SATB2: variants seen among roughly 807,000 people sequenced by gnomAD.
SATB2 encodes DNA-binding protein SATB2.
In SATB2, 1 loss-of-function variant was observed where a neutral mutation model predicts 73.4. The observed-to-expected ratio is 0.01, with a 90% CI of 0.00 to 0.06. The LOEUF (loss-of-function observed/expected upper bound fraction) is 0.06, where lower values mean the gene tolerates loss of function less well. SATB2 is among the 10% of genes least tolerant of loss of function. The pLI is 1.00. For synonymous variants in SATB2, 397 were observed against 367.0 expected (o/e 1.08, Z -0.93); for missense variants, 459 against 945.8 (o/e 0.49, Z 6.75).
At chr2:199,275,545 C>A (rs1204835691) in intron 10 of SATB2, among the ~76,000 whole-genome samples, 4 of 152,016 alleles carry the variant, frequency 2.6e-5, no homozygotes, top group Admixed American at 6.6e-5. Context: ...TCGGAGGATT[C>A]TCCTCCGAAT....
intron 10 of SATB2, among the ~76,000 whole-genome samples, chr2:199,293,147 T>C (rs1160092611): frequency 6.6e-6 from 1 of 152,202 alleles, no homozygotes; most frequent in African/African-American, 2.4e-5. Context: ...GAATGGCTAG[T>C]GGGAACAGCC....
chr2:199,470,468 T>C (rs1692682154), intron 1 of SATB2: 1 of 152,206 alleles, frequency 6.6e-6, no homozygotes, highest in Non-Finnish European at 1.5e-5. Flanking sequence ...ACCCACTGCG[T>C]ATTGCACTTG....
intron 10 of SATB2, among the ~76,000 whole-genome samples, chr2:199,277,288 C>T (rs1692344983): frequency 6.6e-6 from 1 of 152,136 alleles, no homozygotes; most frequent in South Asian, 2.1e-4. Flanking sequence ...AAAAGATTAT[C>T]AAACTGTACA....
chr2:199,299,730 G>A (rs1005243938), intron 10 of SATB2, among the ~76,000 whole-genome samples: 5 of 152,020 alleles, frequency 3.3e-5, no homozygotes, highest in East Asian at 1.9e-4. Flanking sequence ...GTAAAAACGC[G>A]AGAATAAAAA....
chr2:199,375,877 T>G (rs1244502768), intron 5 of SATB2, among the ~76,000 whole-genome samples: 1 of 152,220 alleles, frequency 6.6e-6, no homozygotes, highest in Non-Finnish European at 1.5e-5. Context: ...TAATCAGGAC[T>G]CCAGGAATGC....
intron 3 of SATB2, among the ~76,000 whole-genome samples, chr2:199,405,831 A>C (rs1690615504): frequency 1.3e-5 from 2 of 152,126 alleles, no homozygotes; most frequent in Non-Finnish European, 1.5e-5. Context: ...AACTCTCTCA[A>C]ATCCATTCTT....
chr2:199,330,643 T>G (rs79774782), intron 7 of SATB2, among the ~76,000 whole-genome samples: 376 of 152,322 alleles, frequency 2.5e-3, no homozygotes, highest in African/African-American at 8.6e-3. Flanking sequence ...AAGTATCGAC[T>G]CTCTGAAATT....
chr2:199,449,898 T>C (rs1272238252), intron 2 of SATB2, among the ~76,000 whole-genome samples: 10 of 152,160 alleles, frequency 6.6e-5, no homozygotes, highest in Non-Finnish European at 1.2e-4. Flanking sequence ...ATCATTCATT[T>C]AAAAATTGCT....
At chr2:199,397,676 G>T in intron 3 of SATB2, 1 of 275,506 alleles carries the variant, frequency 3.6e-6, no homozygotes, top group Non-Finnish European at 7.5e-6. Context: ...TTCACTTGAG[G>T]TCAGGAGTTC....
At chr2:199,381,919 C>T (rs1251809360) in intron 3 of SATB2, 99 bp from the exon 4 acceptor site, 10 of 1,337,778 alleles carry the variant, frequency 7.5e-6, no homozygotes, top group Admixed American at 1.9e-5. Context: ...TCATCAACAT[C>T]CAAGGCCCAC....
rs142270096 is a variant in SATB2, at chr2:199,370,228, C to T, written c.598-1521G>A. 1.1e-3 allele frequency among the ~76,000 whole-genome samples: 165 copies of T among 152,092 alleles called. 3 individuals carry two copies. In the East Asian group the frequency reaches 0.029, roughly 27 times the overall value. ...TCCTAGACTGTGAGACCCTTGAGGACAGTGACTATGTCTGTTTCATTTTTT... is the reference window on the plus strand; with the variant it reads ...TCCTAGACTGTGAGACCCTTGAGGATAGTGACTATGTCTGTTTCATTTTTT... On this transcript the variant is annotated intron_variant, in intron 5 of 10. Transcript: ENST00000417098.
chr2:199,353,312 G>GC (rs1688877075), intron 6 of SATB2, among the ~76,000 whole-genome samples: 1 of 151,584 alleles, frequency 6.6e-6, no homozygotes, highest in Admixed American at 6.6e-5. Context: ...GTGCCACGGT[G>GC]CCCAGCTAAT....
chr2:199,336,731 A>G (rs896365336), intron 7 of SATB2, among the ~76,000 whole-genome samples: 1 of 152,164 alleles, frequency 6.6e-6, no homozygotes, highest in African/African-American at 2.4e-5. Context: ...AAGTCTGTTT[A>G]CCCCTGTACC....
chr2:199,438,737 C>A (rs1691723762), intron 2 of SATB2, among the ~76,000 whole-genome samples: 1 of 152,216 alleles, frequency 6.6e-6, no homozygotes, highest in African/African-American at 2.4e-5. Flanking sequence ...ATGAAATAAA[C>A]CCCTGCTTTG....
At chr2:199,453,663 T>C (rs1692192852) in intron 2 of SATB2, among the ~76,000 whole-genome samples, 1 of 152,044 alleles carries the variant, frequency 6.6e-6, no homozygotes, top group Non-Finnish European at 1.5e-5. Flanking sequence ...AAGAAACTAT[T>C]AACATCTTAA....
In SATB2 at chr2:199,401,250, G is replaced by A. The variant is rs777596852; in HGVS notation, c.347-19430C>T. 3.4e-4 allele frequency among the ~76,000 whole-genome samples: 52 copies of A among 152,140 alleles called. No homozygotes were observed. In the Middle Eastern group the frequency reaches 0.01, roughly 30 times the overall value. On this transcript the variant is annotated intron_variant, in intron 3 of 10. Transcript: ENST00000417098. ...TAAAAATTTAACAAGTGCTAGGAAT[G>A]AAAATAATAGGATGAGGCTGGGAAC...
intron 10 of SATB2, among the ~76,000 whole-genome samples, chr2:199,290,870 GGCAAAACA>G (rs1385221442): frequency 6.6e-6 from 1 of 152,048 alleles, no homozygotes; most frequent in Non-Finnish European, 1.5e-5. Flanking sequence ...AGTTGCTGGA[GGCAAAACA>G]GCAAAACAAC....
At chr2:199,450,547 T>C (rs1366855687) in intron 2 of SATB2, among the ~76,000 whole-genome samples, 2 of 152,122 alleles carry the variant, frequency 1.3e-5, no homozygotes, top group Admixed American at 1.3e-4. Context: ...TTTACACACC[T>C]AATGTGGGTT....
At chr2:199,375,140 A>C (rs1223253236) in intron 5 of SATB2, among the ~76,000 whole-genome samples, 1 of 152,192 alleles carries the variant, frequency 6.6e-6, no homozygotes, top group Non-Finnish European at 1.5e-5. Context: ...AGCCGACCTT[A>C]GGTATTTCAA....
Sources: allele counts gnomAD v4.1 joint callset (sites outside exome capture counted in the v4.1 genomes callset), GRCh38; gene constraint gnomAD v4.1.1; transcripts MANE v1.5; gene names NCBI Gene and HGNC (gene_info 2026-07-23, HGNC 2026-07-21).